Variants in VPS13D observed in about 807,000 individuals in gnomAD.
VPS13D encodes vacuolar protein sorting 13 homolog D.
A neutral mutation model predicts 461.9 loss-of-function variants in VPS13D; 187 were observed. That is an observed-to-expected ratio of 0.40 (90% CI 0.36 to 0.46). VPS13D has a LOEUF of 0.46. Among genes scored for constraint, VPS13D ranks in the 20% least tolerant of loss-of-function variants. VPS13D has a pLI of 0.60. For missense variants in VPS13D, 4,711 were observed against 5,364.9 expected (o/e 0.88, Z 3.81); for synonymous variants, 1,951 against 1,986.3 (o/e 0.98, Z 0.47).
chr1:12,260,015 CTTTTTTTT>C (rs70987243), intron 10 of VPS13D, among the ~76,000 whole-genome samples: 5 of 72,770 alleles, frequency 6.9e-5, no homozygotes, highest in Admixed American at 2.1e-4. Flanking sequence ...GCTTTAGTGA[CTTTTTTTT>C]TTTTTTTTTT....
At position 12,497,634 on chromosome 1, in the gene VPS13D, AAGTT is replaced by A. The variant is rs748896591; in HGVS notation, c.12794+6_12794+9del. 127 of 1,611,066 alleles carry A rather than the reference AAGTT, an allele frequency of 7.9e-5. No homozygotes were observed. Among genetic ancestry groups the A allele is most frequent in the South Asian group, 3.7e-4 (34 of 90,906 alleles). Reference sequence around the variant, plus strand: ...ACAGACAACATACAGGACGAATTGTAAGTTAGAGCATGGGAAACCAGCCCTGTGG... The same window carrying A: ...ACAGACAACATACAGGACGAATTGTAAGAGCATGGGAAACCAGCCCTGTGG... On this transcript the variant is annotated splice_donor_5th_base_variant and intron_variant, in intron 68 of 69. Transcript: ENST00000620676.
At chr1:12,365,824 A>G (rs1263536107) in intron 52 of VPS13D, among the ~76,000 whole-genome samples, 3 of 152,172 alleles carry the variant, frequency 2.0e-5, no homozygotes, top group South Asian at 2.1e-4. Flanking sequence ...TCAGCTCTCT[A>G]TTGAGAACAC....
chr1:12,281,013 C>T (rs1641762862), intron 20 of VPS13D, among the ~76,000 whole-genome samples: 1 of 151,454 alleles, frequency 6.6e-6, no homozygotes, highest in East Asian at 1.9e-4. Flanking sequence ...GCTTTATGTG[C>T]CCATCACTCT....
At position 12,299,198 on chromosome 1, in the gene VPS13D, T is replaced by C; in HGVS notation, c.6034-4T>C. On this transcript the variant is annotated splice_region_variant and splice_polypyrimidine_tract_variant and intron_variant, in intron 24 of 69. Transcript: ENST00000620676. This position sits in a 1 kb window ranked among gnomAD's most constrained non-coding sequence, Gnocchi z 4.2. ...CTCTGAGTCAGTTTTCCTTCCTCTT[T>C]CAGGTGAGAGATCAAGCCCAGCGCT... 6.4e-7 allele frequency: 1 copy of C among 1,565,900 alleles called. No homozygotes were observed. Among genetic ancestry groups the C allele is most frequent in the Non-Finnish European group, 8.6e-7 (1 of 1,160,642 alleles).
At chr1:12,451,705 A>T (rs1225978356) in intron 65 of VPS13D, among the ~76,000 whole-genome samples, 1 of 152,236 alleles carries the variant, frequency 6.6e-6, no homozygotes, top group Non-Finnish European at 1.5e-5. Flanking sequence ...TGGTGCTGTT[A>T]TGCCCTGCTG....
At chr1:12,285,285 TTTATTTATTTA>T (rs1356547400) in intron 21 of VPS13D, among the ~76,000 whole-genome samples, 9 of 149,402 alleles carry the variant, frequency 6.0e-5, no homozygotes, top group African/African-American at 2.2e-4. Flanking sequence ...TATTTATTTA[TTTATTTATTTA>T]TTTTTTTTTT....
In VPS13D at chr1:12,268,698, T is replaced by C. The variant is rs370948040; in HGVS notation, c.1802-8T>C. The C allele has an allele frequency of 9.9e-5, 160 of 1,611,844 alleles. No homozygotes were observed. The highest frequency in any genetic ancestry group is 1.3e-4 in the Non-Finnish European group (153 of 1,179,414). On this transcript the variant is annotated splice_polypyrimidine_tract_variant and splice_region_variant and intron_variant, in intron 15 of 69. Transcript: ENST00000620676. ...GTTCCGTGTTCTTATTCCTGTTCTT[T>C]CCTTTAGCTGCAGATCCAGATGGCC...
In VPS13D at chr1:12,321,911, A is replaced by T. The variant is rs779649368; in HGVS notation, c.7651A>T (p.Ser2551Cys). Residue 2551 changes from serine to cysteine, a missense_variant, in exon 33 of 70, where the codon AGT becomes TGT. Physicochemically the swap from Ser to Cys is moderately radical, Grantham distance 112. Transcript: ENST00000620676. The part of the protein sequence containing the change: ...ELVGNSSYQN[S>C]SGLMDAFNSE... Reference sequence around the variant, plus strand: ...GGTGGGGAATTCTTCTTATCAAAATAGTTCAGGATTGATGGATGCATTCAA... The same window carrying T: ...GGTGGGGAATTCTTCTTATCAAAATTGTTCAGGATTGATGGATGCATTCAA... 1 of 1,613,666 alleles carries T rather than the reference A, an allele frequency of 6.2e-7. No homozygotes were observed. Among genetic ancestry groups the T allele is most frequent in the African/African-American group, 1.3e-5 (1 of 75,018 alleles).
chr1:12,412,121 C>G (rs1644737886), intron 63 of VPS13D, among the ~76,000 whole-genome samples: 1 of 152,082 alleles, frequency 6.6e-6, no homozygotes, highest in South Asian at 2.1e-4. Flanking sequence ...CGTATAAGAC[C>G]TCTACACAGA....
chr1:12,251,291 A>G (rs1490006898), intron 6 of VPS13D, among the ~76,000 whole-genome samples: 2 of 152,198 alleles, frequency 1.3e-5, no homozygotes, highest in South Asian at 2.1e-4. Context: ...TTCACTTCTT[A>G]TGCTTCAGTT....
At chr1:12,388,348 G>A (rs1275811862) in intron 60 of VPS13D, among the ~76,000 whole-genome samples, 1 of 152,222 alleles carries the variant, frequency 6.6e-6, no homozygotes, top group Non-Finnish European at 1.5e-5. Flanking sequence ...GCTAAGGCAG[G>A]TGGATCACTT....
At chr1:12,460,053 C>T in intron 66 of VPS13D, 148 bp from the exon 67 acceptor site, 1 of 526,162 alleles carries the variant, frequency 1.9e-6, no homozygotes, top group South Asian at 4.6e-5. Flanking sequence ...GCAGGATCCT[C>T]TTCTGTGAGT....
intron 2 of VPS13D, among the ~76,000 whole-genome samples, chr1:12,238,501 C>T (rs976717614): frequency 2.6e-5 from 4 of 151,730 alleles, no homozygotes; most frequent in Non-Finnish European, 5.9e-5. Flanking sequence ...GTTCTCTAAG[C>T]CTTTTTTTTT....
At position 12,238,871 on chromosome 1, in the gene VPS13D, T is replaced by A. The variant is rs372661374; in HGVS notation, c.98-3642T>A. On this transcript the variant is annotated intron_variant, in intron 2 of 69. Coordinates refer to ENST00000620676, the MANE Select transcript of VPS13D (RefSeq NM_015378.4). ...GCTGGTCTGAAACTCTGGGCTCAAA[T>A]GATGCTCCTGCTTGGCCTCCTAAAG... Among the ~76,000 whole-genome samples the A allele has an allele frequency of 2.7e-4, 41 of 152,100 alleles. 3 individuals carry two copies. The highest frequency in any genetic ancestry group is 2.2e-3 in the Admixed American group (33 of 15,276).
chr1:12,348,144 G>A (rs1014471576), intron 44 of VPS13D, among the ~76,000 whole-genome samples: 6 of 152,158 alleles, frequency 3.9e-5, no homozygotes, highest in Non-Finnish European at 2.9e-5. Context: ...CCTATGAAAG[G>A]CACACCAATG....
intron 65 of VPS13D, among the ~76,000 whole-genome samples, chr1:12,441,157 C>T (rs953177261): frequency 1.3e-5 from 2 of 152,118 alleles, no homozygotes; most frequent in Non-Finnish European, 1.5e-5. Context: ...AAACTCCTGA[C>T]GTGAGGTGAT....
chr1:12,496,381 A>G (rs568447753), intron 67 of VPS13D, among the ~76,000 whole-genome samples: 39 of 152,312 alleles, frequency 2.6e-4, no homozygotes, highest in African/African-American at 8.9e-4. Context: ...GGCCCATTGC[A>G]TGGCCTGTGA....
At chr1:12,264,188 G>GGCCATTTCC (rs1249476210) in intron 13 of VPS13D, among the ~76,000 whole-genome samples, 2 of 152,110 alleles carry the variant, frequency 1.3e-5, no homozygotes, top group Non-Finnish European at 2.9e-5. Context: ...TCCACCGACT[G>GGCCATTTCC]GCCATTTCCT....
intron 67 of VPS13D, among the ~76,000 whole-genome samples, chr1:12,460,610 C>T (rs895431733): frequency 1.3e-5 from 2 of 149,974 alleles, no homozygotes; most frequent in African/African-American, 4.9e-5. Flanking sequence ...ATATATATAG[C>T]ATATTTTATA....
Sources: allele counts gnomAD v4.1 joint callset (sites outside exome capture counted in the v4.1 genomes callset), GRCh38; gene constraint gnomAD v4.1.1; non-coding constraint Gnocchi (gnomAD v3.1); transcripts MANE v1.5; gene names NCBI Gene and HGNC (gene_info 2026-07-23, HGNC 2026-07-21).